Variants in ICA1 observed in about 807,000 individuals in gnomAD.
The protein encoded by ICA1 is islet cell autoantigen 1.
ICA1 carries 40 observed loss-of-function variants against 71.0 expected under a neutral mutation model. That is an observed-to-expected ratio of 0.56 (90% CI 0.44 to 0.73). The LOEUF (loss-of-function observed/expected upper bound fraction) is 0.73. ICA1 is among the 30% of genes least tolerant of loss of function. The pLI, the probability that ICA1 is intolerant of heterozygous loss-of-function variation, is 0.00. For synonymous variants in ICA1, 207 were observed against 209.5 expected (o/e 0.99, Z 0.10); for missense variants, 578 against 576.5 (o/e 1.00, Z -0.03).
At chr7:8,149,036 T>G (rs1033840614) in intron 8 of ICA1, among the ~76,000 whole-genome samples, 1 of 152,214 alleles carries the variant, frequency 6.6e-6, no homozygotes, top group Non-Finnish European at 1.5e-5. Flanking sequence ...TGCTTAACCC[T>G]ATAGAACGCA....
intron 3 of ICA1, among the ~76,000 whole-genome samples, chr7:8,230,639 T>C (rs1470661187): frequency 6.6e-6 from 1 of 152,220 alleles, no homozygotes; most frequent in Non-Finnish European, 1.5e-5. Flanking sequence ...TAAATTACCT[T>C]TTGAATAATG....
intron 3 of ICA1, among the ~76,000 whole-genome samples, chr7:8,230,719 T>C (rs1379206463): frequency 1.3e-5 from 2 of 152,236 alleles, no homozygotes; most frequent in African/African-American, 4.8e-5. Context: ...TATAATAATT[T>C]ACACTGTACT....
intron 3 of ICA1, among the ~76,000 whole-genome samples, chr7:8,232,264 T>C (rs370442390): frequency 1.3e-5 from 2 of 152,208 alleles, no homozygotes; most frequent in East Asian, 3.8e-4. Context: ...ATTTGCCAGA[T>C]TCTAGTGTTC....
intron 1 of ICA1, among the ~76,000 whole-genome samples, chr7:8,255,044 C>G (rs1583906520): frequency 6.6e-6 from 1 of 152,162 alleles, no homozygotes; most frequent in South Asian, 2.1e-4. Context: ...ATCATGACCA[C>G]AACCTGCTGT....
chr7:8,157,496 C>A, intron 7 of ICA1: 1 of 399,434 alleles, frequency 2.5e-6, no homozygotes, highest in East Asian at 4.2e-5. Flanking sequence ...CTCCAAAACC[C>A]AGGGTAAATA....
Position 8,127,885 on chromosome 7 carries a change from C to T in ICA1, c.1318G>A (p.Ala440Thr). 1 of 1,613,614 alleles carries T rather than the reference C, an allele frequency of 6.2e-7. No homozygotes were observed. Among genetic ancestry groups the T allele is most frequent in the Non-Finnish European group, 8.5e-7 (1 of 1,179,746 alleles). Residue 440 changes from alanine to threonine, a missense_variant, in exon 13 of 14, where the codon GCC (alanine) becomes ACC (threonine). Coordinates refer to ENST00000402384, the MANE Select transcript of ICA1 (RefSeq NM_001136020.3). ...CCACCTTACCTACCTTGTAGCGAGG[C>T]CTGTAAGTCTTTCATATTTTGGTCT... ...LLDQNMKDLQ[A>T]SLQEPAKAAS...
chr7:8,203,825 G>T (rs1219163086), intron 6 of ICA1, among the ~76,000 whole-genome samples: 1 of 152,276 alleles, frequency 6.6e-6, no homozygotes, highest in Admixed American at 6.5e-5. Flanking sequence ...ATTTGCAGAG[G>T]ATCCTTTGCT....
chr7:8,225,298 A>C (rs1195305725), intron 4 of ICA1, among the ~76,000 whole-genome samples: 1 of 152,212 alleles, frequency 6.6e-6, no homozygotes, highest in African/African-American at 2.4e-5. Context: ...CTCTCTCTTC[A>C]TATAGATTTA....
At position 8,144,907 on chromosome 7, in the gene ICA1, T is replaced by C. The variant is rs780350921; in HGVS notation, c.805-935A>G. Reference sequence around the variant, plus strand: ...CCTTCTCCTGCCTATCGTTCACTTGTCTGACACACATAGGAGGCAATCAGG... The same window carrying C: ...CCTTCTCCTGCCTATCGTTCACTTGCCTGACACACATAGGAGGCAATCAGG... On this transcript the variant is annotated intron_variant, in intron 8 of 13. Transcript: ENST00000402384. The surrounding 1 kb of genome is among the most constrained non-coding windows in gnomAD (Gnocchi z 4.5). Among the ~76,000 whole-genome samples, 3 of 152,212 alleles carry C rather than the reference T, an allele frequency of 2.0e-5. No homozygotes were observed. Among genetic ancestry groups the C allele is most frequent in the Non-Finnish European group, 2.9e-5 (2 of 68,036 alleles).
chr7:8,254,101 C>T (rs1366333096), intron 1 of ICA1, among the ~76,000 whole-genome samples: 1 of 152,146 alleles, frequency 6.6e-6, no homozygotes, highest in Non-Finnish European at 1.5e-5. Flanking sequence ...ATCATTTAGT[C>T]CAACCTCCTC....
chr7:8,117,584 T>G (rs1038909694), intron 13 of ICA1, among the ~76,000 whole-genome samples: 2 of 152,274 alleles, frequency 1.3e-5, no homozygotes, highest in African/African-American at 4.8e-5. Context: ...CACAGGTAGA[T>G]GTTTGCTGAT....
At chr7:8,148,197 C>T (rs1227774571) in intron 8 of ICA1, among the ~76,000 whole-genome samples, 1 of 152,116 alleles carries the variant, frequency 6.6e-6, no homozygotes, top group Non-Finnish European at 1.5e-5. Flanking sequence ...AGTATATAAT[C>T]ATACAGAAGC....
chr7:8,221,225 C>A (rs373495769), intron 5 of ICA1, 50 bp downstream of exon 5: 1 of 1,609,414 alleles, frequency 6.2e-7, no homozygotes, highest in Non-Finnish European at 8.5e-7. Context: ...AGGTGGGTCC[C>A]GGAGTCTCCT....
chr7:8,256,208 C>A lies in ICA1; in HGVS notation c.-80+5886G>T, dbSNP rs368769291. On this transcript the variant is annotated intron_variant, in intron 1 of 13. Transcript: ENST00000402384. ...ATGCTATCTGTGTACCTGTCCATTC[C>A]AATCTTTACAACACTGCCCGACCTA... 2.6e-5 allele frequency among the ~76,000 whole-genome samples: 4 copies of A among 152,188 alleles called. No homozygotes were observed. The East Asian group carries it at 5.8e-4, about 22-fold the overall frequency.
intron 1 of ICA1, among the ~76,000 whole-genome samples, chr7:8,252,737 AT>A (rs1234741802): frequency 6.6e-6 from 1 of 151,046 alleles, no homozygotes; most frequent in Non-Finnish European, 1.5e-5. Flanking sequence ...ATATTTACAT[AT>A]GTATATTATA....
At chr7:8,177,770 A>T (rs1320194360) in intron 6 of ICA1, among the ~76,000 whole-genome samples, 1 of 152,236 alleles carries the variant, frequency 6.6e-6, no homozygotes, top group Non-Finnish European at 1.5e-5. Flanking sequence ...ACTGAATTGC[A>T]GAAAGTAATT....
chr7:8,254,165 A>C (rs559923879), intron 1 of ICA1, among the ~76,000 whole-genome samples: 1 of 152,302 alleles, frequency 6.6e-6, no homozygotes, highest in Non-Finnish European at 1.5e-5. Flanking sequence ...GTCACAGAGT[A>C]AAATTTGTCT....
chr7:8,161,942 G>C (rs1249344738), intron 6 of ICA1, among the ~76,000 whole-genome samples: 2 of 152,232 alleles, frequency 1.3e-5, no homozygotes, highest in Non-Finnish European at 2.9e-5. Context: ...AACAGACAAT[G>C]AAGGCTTCTG....
chr7:8,172,496 A>G (rs1177235344), intron 6 of ICA1, among the ~76,000 whole-genome samples: 1 of 152,176 alleles, frequency 6.6e-6, no homozygotes, highest in Non-Finnish European at 1.5e-5. Flanking sequence ...TGGACAGCAT[A>G]GAGCTAGATC....
Sources: allele counts gnomAD v4.1 joint callset (sites outside exome capture counted in the v4.1 genomes callset), GRCh38; gene constraint gnomAD v4.1.1; non-coding constraint Gnocchi (gnomAD v3.1); transcripts MANE v1.5; gene names NCBI Gene and HGNC (gene_info 2026-07-23, HGNC 2026-07-21).